RGSL1: variants seen among roughly 807,000 people sequenced by gnomAD.
RGSL1 encodes regulator of G protein signaling like 1.
Under a neutral mutation model 124.7 loss-of-function variants are expected in RGSL1, and 97 were observed. The observed-to-expected ratio is 0.78, with a 90% CI of 0.66 to 0.92. RGSL1 has a LOEUF of 0.92. Among genes scored for constraint, RGSL1 ranks in the 40% least tolerant of loss-of-function variants. The pLI is 0.00. For missense variants in RGSL1, 1,233 were observed against 1,288.4 expected, an observed-to-expected ratio of 0.96 and a Z score of 0.66; for synonymous variants, 424 against 438.1, an observed-to-expected ratio of 0.97 and a Z score of 0.40.
At chr1:182,463,954 A>G (rs889687004) in intron 4 of RGSL1, among the ~76,000 whole-genome samples, 1 of 152,208 alleles carries the variant, frequency 6.6e-6, no homozygotes, top group African/African-American at 2.4e-5. Flanking sequence ...GGGATAGATT[A>G]TATATTAGGC....
At position 182,474,057 on chromosome 1, in the gene RGSL1, A is replaced by G; in HGVS notation, c.946A>G (p.Lys316Glu). The G allele has an allele frequency of 6.4e-7, 1 of 1,551,812 alleles. No homozygotes were observed. The highest frequency in any genetic ancestry group is 1.4e-5 in the African/African-American group (1 of 73,188). Residue 316 changes from lysine (K) to glutamate (E), a missense_variant, in exon 6 of 22, where the codon AAA (lysine) becomes GAA (glutamate). Coordinates refer to ENST00000294854, the MANE Select transcript of RGSL1 (RefSeq NM_001137669.2). The part of the protein sequence containing the change: ...SSLEKDMHYA[K>E]ISSMENKAKS... ...CCTGGAAAAGGATATGCATTATGCA[A>G]AAATATCCAGCATGGAGAATAAAGC...
chr1:182,451,727 G>T (rs1651858234), intron 1 of RGSL1, among the ~76,000 whole-genome samples: 1 of 84,294 alleles, frequency 1.2e-5, no homozygotes, highest in African/African-American at 3.5e-5. Context: ...GATTTTGAAA[G>T]ACTTTAACAA....
rs375804603 is a variant in RGSL1 at position 182,474,154 on chromosome 1, T to C, written c.1043T>C (p.Ile348Thr). Residue 348 changes from isoleucine to threonine, a missense_variant, in exon 6 of 22, where the codon ATT becomes ACT. By Grantham distance (89) the Ile-to-Thr change is moderately conservative. Transcript: ENST00000294854. ...VSTHLRTVIP[I>T]VNHSSKMTIQ... ...ACCCACCTGAGGACTGTCATCCCCA[T>C]TGTCAATCACTCCTCCAAGATGACA... 140 of 1,551,952 alleles carry C rather than the reference T, an allele frequency of 9.0e-5. No homozygotes were observed. The African/African-American group carries it at 1.7e-3, about 19-fold the overall frequency.
chr1:182,558,003 C>T (rs139407311), intron 21 of RGSL1, among the ~76,000 whole-genome samples: 1,632 of 151,902 alleles, frequency 0.011, 15 homozygotes, highest in Non-Finnish European at 0.018. Flanking sequence ...AGAGACAGTC[C>T]GCTCAAGCCA....
intron 3 of RGSL1, 37 bp from the exon 4 acceptor site, chr1:182,459,967 A>G (rs1042332884): frequency 1.3e-6 from 2 of 1,542,998 alleles, no homozygotes; most frequent in Non-Finnish European, 8.7e-7. Context: ...GTTCGGTTTC[A>G]CTTAGCATTT....
intron 17 of RGSL1, 122 bp downstream of exon 17, chr1:182,548,946 T>C: frequency 8.0e-7 from 1 of 1,257,266 alleles, no homozygotes; most frequent in Non-Finnish European, 1.1e-6. Context: ...GGAACTAAGA[T>C]GGTGTTTTCA....
chr1:182,504,430 G>A (rs917675429), intron 9 of RGSL1, among the ~76,000 whole-genome samples: 2 of 148,174 alleles, frequency 1.3e-5, no homozygotes, highest in African/African-American at 5.0e-5. Context: ...GACTTCTCAT[G>A]GACAATTTCC....
chr1:182,506,474 C>A (rs973566046), intron 9 of RGSL1, among the ~76,000 whole-genome samples: 1 of 150,108 alleles, frequency 6.7e-6, no homozygotes, highest in Admixed American at 6.7e-5. Context: ...ATTATAGATT[C>A]CTGCTAGAAT....
chr1:182,455,132 T>C (rs1429804300), intron 2 of RGSL1, among the ~76,000 whole-genome samples: 1 of 152,042 alleles, frequency 6.6e-6, no homozygotes, highest in Non-Finnish European at 1.5e-5. Context: ...ATGACAGAAG[T>C]TTTTAGGAGG....
At chr1:182,511,147 C>G (rs1272942004) in intron 9 of RGSL1, among the ~76,000 whole-genome samples, 1 of 152,064 alleles carries the variant, frequency 6.6e-6, no homozygotes, top group Non-Finnish European at 1.5e-5. Flanking sequence ...TCATTCTTCT[C>G]CATATAGTTA....
At chr1:182,554,368 A>G (rs561686) in intron 19 of RGSL1, among the ~76,000 whole-genome samples, 41,876 of 151,944 alleles carry the variant, frequency 0.28, 6,171 homozygotes, top group Admixed American at 0.35. Context: ...TTACTTCCCT[A>G]AGTCTATGTG....
At chr1:182,460,550 G>T in intron 4 of RGSL1, 1 of 432,958 alleles carries the variant, frequency 2.3e-6, no homozygotes, top group South Asian at 1.7e-5. Flanking sequence ...TAAGCCTCCA[G>T]AATTTCTTAC....
At chr1:182,472,265 A>C (rs531702311) in intron 4 of RGSL1, 131 bp from the exon 5 acceptor site, 1 of 840,578 alleles carries the variant, frequency 1.2e-6, no homozygotes, top group African/African-American at 1.7e-5. Context: ...GATACCTTGA[A>C]CCAATCACCA....
At chr1:182,531,182 G>T (rs1659147987) in intron 13 of RGSL1, among the ~76,000 whole-genome samples, 1 of 152,156 alleles carries the variant, frequency 6.6e-6, no homozygotes, top group African/African-American at 2.4e-5. Flanking sequence ...CTGGTCCTCT[G>T]CACCCAAATT....
At chr1:182,519,139 C>A (rs1658141671) in intron 9 of RGSL1, among the ~76,000 whole-genome samples, 1 of 152,000 alleles carries the variant, frequency 6.6e-6, no homozygotes, top group South Asian at 2.1e-4. Context: ...ACCAGTATTC[C>A]TACTGCATAT....
chr1:182,450,091 C>G (rs1394910764), upstream of RGSL1: 12 of 1,526,094 alleles, frequency 7.9e-6, no homozygotes, highest in Middle Eastern at 5.0e-4. Flanking sequence ...TACGTGTTCA[C>G]AATGGATATA....
chr1:182,508,440 T>G (rs1657013836), intron 9 of RGSL1, among the ~76,000 whole-genome samples: 1 of 151,312 alleles, frequency 6.6e-6, no homozygotes, highest in Non-Finnish European at 1.5e-5. Context: ...GCTGGGATTA[T>G]AGGTGCCTGC....
intron 2 of RGSL1, 60 bp from the exon 3 acceptor site, chr1:182,458,259 G>C: frequency 7.9e-7 from 1 of 1,259,214 alleles, no homozygotes; most frequent in Non-Finnish European, 1.1e-6. Flanking sequence ...TAGAGGGACT[G>C]TGTCATATAC....
At chr1:182,486,701 G>C (rs540031639) in intron 6 of RGSL1, among the ~76,000 whole-genome samples, 4 of 151,602 alleles carry the variant, frequency 2.6e-5, no homozygotes, top group Non-Finnish European at 5.9e-5. Context: ...TTGAGACGGC[G>C]TTTCATTCTT....
Sources: gnomAD v4.1 joint callset for allele counts (sites outside exome capture counted in the v4.1 genomes callset) on GRCh38, gnomAD v4.1.1 for gene constraint, MANE v1.5 for transcripts, NCBI Gene and HGNC (gene_info 2026-07-23, HGNC 2026-07-21) for gene names.